The following PDE10A variants were observed in gnomAD, a reference collection of about 807,000 sequenced individuals.
PDE10A encodes the protein phosphodiesterase 10A, also known as cAMP and cAMP-inhibited cGMP 3',5'-cyclic phosphodiesterase 10A.
In PDE10A, 39 loss-of-function variants were observed where a neutral mutation model predicts 97.7. The ratio of observed to expected loss-of-function variants is 0.40; its 90% confidence interval spans 0.31 to 0.52. The LOEUF is 0.52. Among genes scored for constraint, PDE10A ranks in the 20% least tolerant of loss-of-function variants. PDE10A has a pLI of 0.56. For synonymous variants in PDE10A, 371 were observed against 376.8 expected, an observed-to-expected ratio of 0.98 and a Z score of 0.18; for missense variants, 731 against 1,047.8, an observed-to-expected ratio of 0.70 and a Z score of 4.17.
At chr6:165,587,720 T>C (rs1180269882) in intron 1 of PDE10A, among the ~76,000 whole-genome samples, 1 of 152,162 alleles carries the variant, frequency 6.6e-6, no homozygotes, top group Non-Finnish European at 1.5e-5. Flanking sequence ...ATAAGGACTT[T>C]GGGAAATTAC....
In PDE10A at chr6:165,895,812, G is replaced by A. The variant is rs79636025; in HGVS notation, c.-615+91717C>T. Among the ~76,000 whole-genome samples the A allele has an allele frequency of 6.0e-3, 912 of 152,170 alleles. 9 individuals carry two copies. Among genetic ancestry groups the A allele is most frequent in the African/African-American group, 0.019 (804 of 41,514 alleles). On this transcript the variant is annotated intron_variant, in intron 1 of 19. Transcript: ENST00000366882. ...TCGGCATCCTCAGTACTTTCATTCC[G>A]GGCTCCCCAGTCCTGTCAATGGTGG...
At chr6:165,527,042 GC>G in intron 2 of PDE10A, among the ~76,000 whole-genome samples, 1 of 152,354 alleles carries the variant, frequency 6.6e-6, no homozygotes, top group Non-Finnish European at 1.5e-5. Flanking sequence ...ACATTTGTGT[GC>G]CAGAGGATGG....
At chr6:165,467,844 C>T (rs888831719) in intron 3 of PDE10A, among the ~76,000 whole-genome samples, 5 of 152,156 alleles carry the variant, frequency 3.3e-5, no homozygotes, top group African/African-American at 7.2e-5. Flanking sequence ...TTTCAAACAG[C>T]GTTGCATGCT....
At chr6:165,658,482 CACAA>C (rs934403750) in intron 1 of PDE10A, among the ~76,000 whole-genome samples, 17 of 152,228 alleles carry the variant, frequency 1.1e-4, no homozygotes, top group Middle Eastern at 3.4e-3. Flanking sequence ...ACCAGGGAAA[CACAA>C]ACAGAGAGAG....
At chr6:165,529,954 G>A (rs1583475856) in intron 2 of PDE10A, among the ~76,000 whole-genome samples, 1 of 152,186 alleles carries the variant, frequency 6.6e-6, no homozygotes, top group East Asian at 1.9e-4. Flanking sequence ...TGTCTGTGAG[G>A]GTGCTGCCAA....
intron 1 of PDE10A, among the ~76,000 whole-genome samples, chr6:165,880,655 G>A (rs541216204): frequency 2.5e-4 from 38 of 152,240 alleles, no homozygotes; most frequent in Middle Eastern, 3.4e-3. Context: ...ATGTTCTTCT[G>A]CCTCAACCTT....
chr6:165,744,533 GAACT>G (rs1282660275), intron 1 of PDE10A, among the ~76,000 whole-genome samples: 4 of 151,888 alleles, frequency 2.6e-5, no homozygotes, highest in African/African-American at 9.7e-5. Flanking sequence ...AAAGCCCAGA[GAACT>G]AATACACATT....
intron 1 of PDE10A, among the ~76,000 whole-genome samples, chr6:165,552,607 T>G (rs190380135): frequency 7.9e-5 from 12 of 152,194 alleles, no homozygotes; most frequent in Admixed American, 7.9e-4. Flanking sequence ...CAAACACTGT[T>G]AGACGTCACT....
chr6:165,755,355 A>C (rs1793093913), intron 1 of PDE10A, among the ~76,000 whole-genome samples: 1 of 152,224 alleles, frequency 6.6e-6, no homozygotes, highest in Middle Eastern at 3.2e-3. Context: ...TAAAGAGCTA[A>C]ATTAAAGCTG....
rs914674348 is a variant in PDE10A at position 165,975,351 on chromosome 6, A to C, written c.-615+12178T>G. Among the ~76,000 whole-genome samples the C allele has an allele frequency of 9.2e-5, 14 of 152,320 alleles. 1 individual carries two copies. In the South Asian group the frequency reaches 1.2e-3, roughly 14 times the overall value. On this transcript the variant is annotated intron_variant, in intron 1 of 19. Transcript: ENST00000366882. Reference sequence around the variant, plus strand: ...CCAGGTGCAGTGGCTCATGCCTGTAATCCCAGCATTTTGGGAGACAGAAGT... The same window carrying C: ...CCAGGTGCAGTGGCTCATGCCTGTACTCCCAGCATTTTGGGAGACAGAAGT...
intron 1 of PDE10A, among the ~76,000 whole-genome samples, chr6:165,603,521 G>A (rs1787066767): frequency 6.6e-6 from 1 of 152,224 alleles, no homozygotes; most frequent in Non-Finnish European, 1.5e-5. Context: ...ACAGAGGGAA[G>A]TCTTCCCGAA....
upstream of PDE10A, among the ~76,000 whole-genome samples, chr6:165,666,658 C>G (rs1790505173): frequency 6.6e-6 from 1 of 152,066 alleles, no homozygotes; most frequent in South Asian, 2.1e-4. Flanking sequence ...GCCCCCCACC[C>G]CCGCAGTCCC....
At chr6:165,570,270 C>A (rs1171268559) in intron 1 of PDE10A, among the ~76,000 whole-genome samples, 1 of 152,032 alleles carries the variant, frequency 6.6e-6, no homozygotes, top group Non-Finnish European at 1.5e-5. Flanking sequence ...AATATTGTGT[C>A]AAAAATAATA....
chr6:165,668,773 AAGGGAGGG>A (rs1192210196), intron 1 of PDE10A, among the ~76,000 whole-genome samples: 149 of 105,154 alleles, frequency 1.4e-3, no homozygotes, highest in African/African-American at 6.3e-3. Context: ...GGAAGGTAGG[AAGGGAGGG>A]AGGGAGGGAG....
Position 165,641,179 on chromosome 6 carries a change from G to A in PDE10A, c.865+20768C>T, listed in dbSNP as rs139275184. Reference sequence around the variant, plus strand: ...TGGGGGCCAGTAAGGGGTGACTGACGCCCAGAGGTCAACAAAGAAAAAAAA... The same window carrying A: ...TGGGGGCCAGTAAGGGGTGACTGACACCCAGAGGTCAACAAAGAAAAAAAA... On this transcript the variant is annotated intron_variant, in intron 1 of 21. Coordinates refer to ENST00000539869, the MANE Select transcript of PDE10A (RefSeq NM_001385079.1). Among the ~76,000 whole-genome samples the A allele has an allele frequency of 3.5e-4, 54 of 152,116 alleles. No homozygotes were observed. The East Asian group carries it at 8.7e-3, about 25-fold the overall frequency.
intron 1 of PDE10A, among the ~76,000 whole-genome samples, chr6:165,619,512 G>A (rs1787992132): frequency 6.9e-6 from 1 of 144,740 alleles, no homozygotes; most frequent in South Asian, 2.2e-4. Context: ...GTGTAGTGTA[G>A]TCTAGTGTAG....
intron 1 of PDE10A, among the ~76,000 whole-genome samples, chr6:165,584,704 T>C (rs2128358804): frequency 6.6e-6 from 1 of 152,300 alleles, no homozygotes; most frequent in South Asian, 2.1e-4. Context: ...GAATGCAGAA[T>C]ACCCCTTAGG....
chr6:165,905,183 G>A (rs1782227429), intron 1 of PDE10A, among the ~76,000 whole-genome samples: 1 of 152,120 alleles, frequency 6.6e-6, no homozygotes, highest in African/African-American at 2.4e-5. Flanking sequence ...CTTTACAAAA[G>A]TAATATTTTC....
intron 1 of PDE10A, among the ~76,000 whole-genome samples, chr6:165,591,285 T>C (rs1014726005): frequency 1.7e-4 from 26 of 152,192 alleles, no homozygotes; most frequent in African/African-American, 6.0e-4. Context: ...CCAAGTGGAT[T>C]TTAAGAATTT....
Sources: allele counts gnomAD v4.1 joint callset (sites outside exome capture counted in the v4.1 genomes callset), GRCh38; gene constraint gnomAD v4.1.1; transcripts MANE v1.5; gene names NCBI Gene and HGNC (gene_info 2026-07-23, HGNC 2026-07-21).